GDA: variants seen among roughly 807,000 people sequenced by gnomAD.
The protein encoded by GDA is cytoplasmic PSD-95 interactor.
Under a neutral mutation model 59.6 loss-of-function variants are expected in GDA, and 18 were observed. That is an observed-to-expected ratio of 0.30 (90% CI 0.21 to 0.45). The LOEUF is 0.45. Ranked by LOEUF, GDA falls within the 20% of genes least tolerant of loss-of-function variation. The pLI is 1.00. For synonymous variants in GDA, 201 were observed against 201.1 expected, an observed-to-expected ratio of 1.00 and a Z score of 0.00; for missense variants, 427 against 552.3, an observed-to-expected ratio of 0.77 and a Z score of 2.27.
At chr9:72,220,239 T>G (rs1266624798) in intron 6 of GDA, among the ~76,000 whole-genome samples, 1 of 152,108 alleles carries the variant, frequency 6.6e-6, no homozygotes, top group Non-Finnish European at 1.5e-5. Flanking sequence ...AAAGTCAAAC[T>G]TATAGAAACA....
intron 1 of GDA, among the ~76,000 whole-genome samples, chr9:72,137,242 C>CTTTTTTT (rs143364725): frequency 1.6e-3 from 131 of 84,514 alleles, no homozygotes; most frequent in African/African-American, 2.9e-3. Context: ...TTCTTTTTTT[C>CTTTTTTT]TTTTTTTTTT....
intron 1 of GDA, among the ~76,000 whole-genome samples, chr9:72,152,283 AT>A (rs1384891554): frequency 6.6e-6 from 1 of 152,134 alleles, no homozygotes; most frequent in Admixed American, 6.5e-5. Flanking sequence ...TTTATTCCTT[AT>A]TTTGTATAAC....
intron 4 of GDA, among the ~76,000 whole-genome samples, chr9:72,211,835 C>T (rs1835412347): frequency 6.6e-6 from 1 of 152,096 alleles, no homozygotes. Flanking sequence ...AGAGGGTAGG[C>T]AGATGGGAGG....
chr9:72,119,914 A>G (rs1825604696), intron 1 of GDA, among the ~76,000 whole-genome samples: 1 of 147,094 alleles, frequency 6.8e-6, no homozygotes, highest in Non-Finnish European at 1.5e-5. Flanking sequence ...TATTTTAAAG[A>G]TTATTAAAAA....
At chr9:72,196,426 G>T (rs1288441828) in intron 2 of GDA, among the ~76,000 whole-genome samples, 8 of 150,830 alleles carry the variant, frequency 5.3e-5, no homozygotes, top group Non-Finnish European at 1.0e-4. Flanking sequence ...GGCAGAGGTT[G>T]CAGTGAGCCA....
chr9:72,144,901 T>C (rs1034654068), upstream of GDA, among the ~76,000 whole-genome samples: 33 of 151,892 alleles, frequency 2.2e-4, no homozygotes, highest in Non-Finnish European at 4.1e-4. Flanking sequence ...TTTTTTTTTT[T>C]TCTCTAAAGC....
At chr9:72,208,663 A>G (rs1012572261) in intron 3 of GDA, among the ~76,000 whole-genome samples, 5 of 152,236 alleles carry the variant, frequency 3.3e-5, no homozygotes, top group African/African-American at 1.2e-4. Flanking sequence ...CCTAAGAAAG[A>G]GTTCATGGAG....
At chr9:72,229,889 G>T (rs1276804800) in intron 9 of GDA, among the ~76,000 whole-genome samples, 4 of 152,192 alleles carry the variant, frequency 2.6e-5, no homozygotes, top group African/African-American at 9.7e-5. Flanking sequence ...TCTTGTCTAT[G>T]TACAGCTTAG....
chr9:72,158,461 C>T (rs1188892143), intron 1 of GDA, among the ~76,000 whole-genome samples: 1 of 151,970 alleles, frequency 6.6e-6, no homozygotes, highest in African/African-American at 2.4e-5. Flanking sequence ...GGTGTGGTGG[C>T]AGGCGCCTAT....
chr9:72,160,226 C>G (rs897917863), intron 1 of GDA, among the ~76,000 whole-genome samples: 3 of 151,968 alleles, frequency 2.0e-5, no homozygotes, highest in Non-Finnish European at 2.9e-5. Flanking sequence ...GGAGAATGGC[C>G]GAAACCCGGG....
chr9:72,151,134 C>A (rs1279989988), intron 1 of GDA, among the ~76,000 whole-genome samples: 1 of 152,126 alleles, frequency 6.6e-6, no homozygotes, highest in Non-Finnish European at 1.5e-5. Context: ...AATAAAAATA[C>A]CTTTTCTGGT....
At chr9:72,114,911 G>A (rs145256998) in intron 1 of GDA, 7 of 152,296 alleles carry the variant, frequency 4.6e-5, no homozygotes, top group Admixed American at 1.3e-4. Flanking sequence ...CCACAGCCCT[G>A]TCCCAGGGGC....
chr9:72,214,308 T>A (rs1308755448), intron 5 of GDA, among the ~76,000 whole-genome samples: 2 of 151,636 alleles, frequency 1.3e-5, no homozygotes, highest in African/African-American at 2.4e-5. Context: ...AGACGGAGTC[T>A]CACTCTGTCA....
At chr9:72,230,611 G>A (rs1446836273) in intron 9 of GDA, among the ~76,000 whole-genome samples, 3 of 151,908 alleles carry the variant, frequency 2.0e-5, no homozygotes, top group South Asian at 4.1e-4. Flanking sequence ...CAGAGGCAGC[G>A]TTTGAACAGT....
chr9:72,176,582 C>T (rs1352234885), intron 1 of GDA, among the ~76,000 whole-genome samples: 2 of 152,170 alleles, frequency 1.3e-5, no homozygotes, highest in East Asian at 1.9e-4. Flanking sequence ...TCATTCAGCC[C>T]TCTGCTTGCC....
chr9:72,121,882 G>A (rs1303849517), intron 1 of GDA, among the ~76,000 whole-genome samples: 1 of 152,270 alleles, frequency 6.6e-6, no homozygotes, highest in East Asian at 1.9e-4. Flanking sequence ...ACTTGACTTA[G>A]AGCAGCCACT....
At chr9:72,168,832 G>A (rs779462417) in intron 1 of GDA, among the ~76,000 whole-genome samples, 22 of 152,262 alleles carry the variant, frequency 1.4e-4, no homozygotes, top group Non-Finnish European at 2.5e-4. Context: ...CCAACAGTTT[G>A]AGTGCCTTGT....
At position 72,219,488 on chromosome 9, in the gene GDA, A is replaced by G; in HGVS notation, c.588A>G (p.Ser196=). The G allele has an allele frequency of 6.3e-7, 1 of 1,598,748 alleles. No homozygotes were observed. Among genetic ancestry groups the G allele is most frequent in the Non-Finnish European group, 8.5e-7 (1 of 1,170,500 alleles). Reference sequence around the variant, plus strand: ...TGTTGCTTTATTTCAGATTTGTGTCAGAAATGCTCCAAAAGAACGTGAGTA... The same window carrying G: ...TGTTGCTTTATTTCAGATTTGTGTCGGAAATGCTCCAAAAGAACGTGAGTA... ...ESIKETERFV[S]EMLQKNYSRV... is the part of the protein sequence containing the mutation. Residue 196 remains serine (S), a synonymous_variant, in exon 6 of 14, where the codon TCA becomes TCG. Coordinates refer to ENST00000358399, the MANE Select transcript of GDA (RefSeq NM_004293.5).
chr9:72,118,860 TCTG>T (rs1162961322), intron 1 of GDA, among the ~76,000 whole-genome samples: 92 of 152,306 alleles, frequency 6.0e-4, no homozygotes, highest in African/African-American at 2.2e-3. Flanking sequence ...TTGCTTACTT[TCTG>T]TCTGCTTTCC....
Sources: allele counts gnomAD v4.1 joint callset (sites outside exome capture counted in the v4.1 genomes callset), GRCh38; gene constraint gnomAD v4.1.1; transcripts MANE v1.5; gene names NCBI Gene and HGNC (gene_info 2026-07-23, HGNC 2026-07-21).